The following EYS variants were observed in gnomAD, a reference collection of about 807,000 sequenced individuals.
The protein encoded by EYS is protein eyes shut homolog.
In EYS, 250 loss-of-function variants were observed where a neutral mutation model predicts 282.1. The observed-to-expected ratio is 0.89, with a 90% CI of 0.80 to 0.98. The LOEUF is 0.98. Ranked by LOEUF, EYS falls within the 50% of genes least tolerant of loss-of-function variation. The pLI, the probability that EYS is intolerant of heterozygous loss-of-function variation, is 0.00. For synonymous variants in EYS, 1,355 were observed against 1,282.9 expected (o/e 1.06, Z -1.20); for missense variants, 4,016 against 3,709.0 (o/e 1.08, Z -2.15).
chr6:64,434,481 T>C (rs1774673474), intron 28 of EYS, among the ~76,000 whole-genome samples: 1 of 152,096 alleles, frequency 6.6e-6, no homozygotes, highest in Non-Finnish European at 1.5e-5. Flanking sequence ...CTTCTGCTAG[T>C]ATTTTTACTG....
intron 19 of EYS, among the ~76,000 whole-genome samples, chr6:64,879,945 G>A (rs1267934116): frequency 1.3e-5 from 2 of 151,988 alleles, no homozygotes; most frequent in Non-Finnish European, 2.9e-5. Context: ...GTTGAAAGAA[G>A]TTGCTTCTGG....
At chr6:65,558,283 AAGGCGGC>A (rs1460175018) in intron 2 of EYS, among the ~76,000 whole-genome samples, 1 of 152,214 alleles carries the variant, frequency 6.6e-6, no homozygotes, top group Non-Finnish European at 1.5e-5. Flanking sequence ...GGAGGGGGTC[AAGGCGGC>A]AGTAGGGGTG....
intron 8 of EYS, among the ~76,000 whole-genome samples, chr6:65,356,559 GA>G (rs1326842571): frequency 6.6e-6 from 1 of 151,812 alleles, no homozygotes; most frequent in Non-Finnish European, 1.5e-5. Flanking sequence ...TTTTCTTAAT[GA>G]AAAAAACAAA....
At chr6:64,706,795 T>TA (rs530195338) in intron 22 of EYS, among the ~76,000 whole-genome samples, 341 of 151,094 alleles carry the variant, frequency 2.3e-3, no homozygotes, top group Non-Finnish European at 3.2e-3. Context: ...ATGGCCAAAA[T>TA]AAAAAAAATC....
chr6:64,232,017 G>T (rs921755210), intron 30 of EYS, among the ~76,000 whole-genome samples: 1 of 152,062 alleles, frequency 6.6e-6, no homozygotes, highest in Admixed American at 6.6e-5. Flanking sequence ...GACTTAAAAA[G>T]CTATTTTTAT....
intron 30 of EYS, among the ~76,000 whole-genome samples, chr6:64,264,571 A>G (rs1767694878): frequency 6.6e-6 from 1 of 152,096 alleles, no homozygotes; most frequent in South Asian, 2.1e-4. Flanking sequence ...TAAATCACAA[A>G]GCCCCAGAGT....
At chr6:65,476,081 A>T (rs78722035) in intron 5 of EYS, among the ~76,000 whole-genome samples, 9 of 152,152 alleles carry the variant, frequency 5.9e-5, no homozygotes, top group Non-Finnish European at 7.3e-5. Context: ...AAATTTAAAA[A>T]AAAGTAACTT....
At chr6:65,349,121 G>A (rs184574351) in intron 9 of EYS, among the ~76,000 whole-genome samples, 8 of 151,304 alleles carry the variant, frequency 5.3e-5, no homozygotes, top group East Asian at 2.0e-4. Context: ...TCTAATAATC[G>A]GAGATGGCAG....
chr6:65,389,293 T>A (rs2150355079), intron 7 of EYS, among the ~76,000 whole-genome samples: 1 of 152,276 alleles, frequency 6.6e-6, no homozygotes, highest in African/African-American at 2.4e-5. Flanking sequence ...ACTTCATTTC[T>A]GCTACTTCCC....
intron 26 of EYS, among the ~76,000 whole-genome samples, chr6:64,474,463 A>C (rs1776207060): frequency 6.6e-6 from 1 of 152,226 alleles, no homozygotes; most frequent in Admixed American, 6.5e-5. Flanking sequence ...GAATTATAGA[A>C]TGAATATGAA....
In EYS at chr6:65,691,152, G is replaced by A. The variant is rs116562471; in HGVS notation, c.-448+15983C>T. ...TCTGGTTCTAGATCCTTGAGAAATC[G>A]CCATTCTGCCTTCCACAATGGTTGA... On this transcript the variant is annotated intron_variant, in intron 1 of 42. Transcript: ENST00000503581. Among the ~76,000 whole-genome samples the A allele has an allele frequency of 3.0e-3, 446 of 150,164 alleles. 6 individuals carry two copies. The highest frequency in any genetic ancestry group is 0.011 in the African/African-American group (434 of 41,250).
chr6:65,322,347 A>T (rs1303711389), intron 11 of EYS, among the ~76,000 whole-genome samples: 1 of 152,172 alleles, frequency 6.6e-6, no homozygotes, highest in Non-Finnish European at 1.5e-5. Context: ...CACAGGTCTC[A>T]GGAGTTTTGG....
intron 15 of EYS, among the ~76,000 whole-genome samples, chr6:64,920,886 A>T (rs905582266): frequency 1.3e-5 from 2 of 152,138 alleles, no homozygotes; most frequent in Non-Finnish European, 2.9e-5. Context: ...ACATTTTACA[A>T]AATAATTCAT....
chr6:65,071,959 T>C (rs2150166359), intron 12 of EYS, among the ~76,000 whole-genome samples: 1 of 151,882 alleles, frequency 6.6e-6, no homozygotes, highest in Middle Eastern at 3.4e-3. Context: ...CTGAACCTAC[T>C]AGTGTCTTGA....
chr6:65,284,934 A>C lies in EYS; in HGVS notation c.2023+10929T>G, dbSNP rs73741288. 5.2e-3 allele frequency among the ~76,000 whole-genome samples: 753 copies of C among 145,076 alleles called. 9 individuals are homozygous for C. Among genetic ancestry groups the C allele is most frequent in the African/African-American group, 0.02 (716 of 35,108 alleles). On this transcript the variant is annotated intron_variant, in intron 12 of 42. Transcript: ENST00000503581. ...GAGGTATTCTATTTGTAATGAAATA[A>C]AAACACTAAAATATCTTTAAAAGCA...
At chr6:65,018,690 G>GGTTT (rs369644838) in intron 13 of EYS, among the ~76,000 whole-genome samples, 3 of 151,820 alleles carry the variant, frequency 2.0e-5, no homozygotes, top group Non-Finnish European at 2.9e-5. Context: ...TTTGTTTTTT[G>GGTTT]GTTTGTTTGT....
rs578138054 is a variant in EYS at position 64,587,981 on chromosome 6, TCTATTTTC to T, written c.5644+2234_5644+2241del. 1.2e-3 allele frequency among the ~76,000 whole-genome samples: 186 copies of T among 152,178 alleles called. 2 individuals are homozygous for T. Among genetic ancestry groups the T allele is most frequent in the Admixed American group, 4.8e-3 (73 of 15,258 alleles). On this transcript the variant is annotated intron_variant, in intron 26 of 42. Coordinates refer to ENST00000503581, the MANE Select transcript of EYS (RefSeq NM_001142800.2). ...TGGAACAATTGTATCACCAAGTTTT[TCTATTTTC>T]CTTTCCTTCATTGCCAGATAATTTT...
chr6:65,562,679 G>A (rs1274309528), intron 2 of EYS, among the ~76,000 whole-genome samples: 1 of 152,012 alleles, frequency 6.6e-6, no homozygotes, highest in Admixed American at 6.6e-5. Flanking sequence ...AATGCCTTCA[G>A]TAGATATGAC....
chr6:64,288,089 G>A (rs73766063), intron 30 of EYS, among the ~76,000 whole-genome samples: 5,789 of 152,124 alleles, frequency 0.038, 357 homozygotes, highest in African/African-American at 0.13. Context: ...ATCACACTTC[G>A]AAAAGCCAGT....
Sources: gnomAD v4.1 joint callset for allele counts (sites outside exome capture counted in the v4.1 genomes callset) on GRCh38, gnomAD v4.1.1 for gene constraint, MANE v1.5 for transcripts, NCBI Gene and HGNC (gene_info 2026-07-23, HGNC 2026-07-21) for gene names.